The following ABI1 variants were observed in gnomAD, a reference collection of about 807,000 sequenced individuals.
ABI1 encodes the protein abl interactor 1, also known as Abelson interactor 1.
In ABI1, 14 loss-of-function variants were observed where a neutral mutation model predicts 54.6. The observed-to-expected ratio is 0.26, with a 90% CI of 0.17 to 0.40. ABI1 has a LOEUF of 0.40. Among genes scored for constraint, ABI1 ranks in the 10% least tolerant of loss-of-function variants. ABI1 has a pLI of 1.00. For missense variants in ABI1, 443 were observed against 598.3 expected (o/e 0.74, Z 2.71); for synonymous variants, 194 against 209.3 (o/e 0.93, Z 0.63).
At chr10:26,769,300 A>C (rs1260678238) in intron 5 of ABI1, among the ~76,000 whole-genome samples, 1 of 152,174 alleles carries the variant, frequency 6.6e-6, no homozygotes, top group Non-Finnish European at 1.5e-5. Context: ...TTTAAAATGT[A>C]CATTTTTCTC....
At chr10:26,840,258 G>A (rs1428907025) in intron 1 of ABI1, among the ~76,000 whole-genome samples, 1 of 152,086 alleles carries the variant, frequency 6.6e-6, no homozygotes, top group African/African-American at 2.4e-5. Context: ...TTGTTTAAAA[G>A]GGTCTAGCAC....
chr10:26,799,549 G>GA (rs1227982436), intron 2 of ABI1, among the ~76,000 whole-genome samples: 1 of 152,132 alleles, frequency 6.6e-6, no homozygotes, highest in Non-Finnish European at 1.5e-5. Flanking sequence ...AACTGAAGGG[G>GA]AAAAAATCTA....
chr10:26,860,670 C>G lies in ABI1; in HGVS notation c.117+77G>C, dbSNP rs966600031. The G allele has an allele frequency of 8.3e-7, 1 of 1,203,020 alleles. No individual in the cohort carries two copies. The highest frequency in any genetic ancestry group is 1.5e-5 in the African/African-American group (1 of 67,162). 74.5% of individuals were successfully genotyped at this position (1,203,020 alleles called of 1,614,324 possible). On this transcript the variant is annotated intron_variant, in intron 1 of 10. Transcript: ENST00000376140. This position sits in a 1 kb window ranked among gnomAD's most constrained non-coding sequence, Gnocchi z 4.1. ...CAGCCGCTGAGGTCAGGGCAGTTCC[C>G]CACCCCGCCCAGTGGGCTGGTCACT...
chr10:26,791,445 C>A (rs1212279323), intron 2 of ABI1, among the ~76,000 whole-genome samples: 2 of 152,150 alleles, frequency 1.3e-5, no homozygotes, highest in Admixed American at 1.3e-4. Flanking sequence ...CCCATGTTAC[C>A]TTGATGCCAA....
chr10:26,757,922 G>T (rs1838525910), intron 8 of ABI1, among the ~76,000 whole-genome samples: 1 of 151,778 alleles, frequency 6.6e-6, no homozygotes, highest in Non-Finnish European at 1.5e-5. Context: ...ACAAAAATTG[G>T]CTAGGTGTAG....
In ABI1 at chr10:26,768,667, AC is replaced by A. The variant is rs199903953; in HGVS notation, c.719+184del. ...ATAGATGTTTTAAAAAGTTAAAAAA[AC>A]AAAACAAAACAGAAGTTATAACACA... is the stretch of plus-strand genomic sequence containing the variant. On this transcript the variant is annotated intron_variant, in intron 6 of 10. Transcript: ENST00000376140. Among the ~76,000 whole-genome samples the A allele has an allele frequency of 3.3e-5, 5 of 152,354 alleles. No individual in the cohort carries two copies. The East Asian group carries it at 5.8e-4, about 18-fold the overall frequency.
At chr10:26,762,473 G>A (rs1037312701) in intron 7 of ABI1, among the ~76,000 whole-genome samples, 1 of 152,022 alleles carries the variant, frequency 6.6e-6, no homozygotes, top group Non-Finnish European at 1.5e-5. Context: ...CACTGTTCTA[G>A]GACAGCAGTT....
rs1018331908 is a variant in ABI1 at position 26,765,327 on chromosome 10, A to G, written c.720-9T>C. 63 of 1,247,828 alleles carry G rather than the reference A, an allele frequency of 5.0e-5. No individual in the cohort carries two copies. The highest frequency in any genetic ancestry group is 1.4e-4 in the Admixed American group (5 of 36,516). 77.3% of individuals were successfully genotyped at this position (1,247,828 alleles called of 1,614,324 possible). Reference sequence around the variant, plus strand: ...TTCCTCCACTACTTCCACTGAAAAGAAAAAAAAAAACTGTGAAAAACCAAT... The same window carrying G: ...TTCCTCCACTACTTCCACTGAAAAGGAAAAAAAAAACTGTGAAAAACCAAT... On this transcript the variant is annotated splice_polypyrimidine_tract_variant and intron_variant, in intron 6 of 10. Coordinates refer to ENST00000376140, the MANE Select transcript of ABI1 (RefSeq NM_001012750.3).
At chr10:26,837,564 C>T (rs773503009) in intron 1 of ABI1, among the ~76,000 whole-genome samples, 5 of 152,180 alleles carry the variant, frequency 3.3e-5, no homozygotes, top group Admixed American at 2.0e-4. Flanking sequence ...AAATACTTGA[C>T]GGCAATACTG....
intron 2 of ABI1, among the ~76,000 whole-genome samples, chr10:26,812,335 C>T (rs979682141): frequency 3.9e-5 from 6 of 152,118 alleles, no homozygotes; most frequent in African/African-American, 1.4e-4. Flanking sequence ...CTGACTAGTA[C>T]CATTAACATA....
intron 2 of ABI1, among the ~76,000 whole-genome samples, chr10:26,811,442 G>A (rs1472988955): frequency 6.6e-6 from 1 of 152,012 alleles, no homozygotes; most frequent in Non-Finnish European, 1.5e-5. Flanking sequence ...ATAATAAAAG[G>A]TGTCCTCCTT....
At chr10:26,814,097 T>C (rs1398436215) in intron 2 of ABI1, among the ~76,000 whole-genome samples, 1 of 152,148 alleles carries the variant, frequency 6.6e-6, no homozygotes, top group Non-Finnish European at 1.5e-5. Flanking sequence ...TCCTAAAAGA[T>C]GCAGTTACTT....
rs534737793 is a variant in ABI1, at chr10:26,832,691, A to G, written c.118-9386T>C. On this transcript the variant is annotated intron_variant, in intron 1 of 10. Coordinates refer to ENST00000376140, the MANE Select transcript of ABI1 (RefSeq NM_001012750.3). ...ACCTGTTGCAGGAATAATTTTATAC[A>G]CTATGAAGTACACAAAAACTAACAT... Among the ~76,000 whole-genome samples, 4 of 152,338 alleles carry G rather than the reference A, an allele frequency of 2.6e-5. No individual in the cohort carries two copies. The South Asian group carries it at 8.3e-4, about 32-fold the overall frequency.
At position 26,761,047 on chromosome 10, in the gene ABI1, A is replaced by G. The variant is rs1310088003; in HGVS notation, c.821-1809T>C. Among the ~76,000 whole-genome samples the G allele has an allele frequency of 2.6e-5, 4 of 151,858 alleles. No individual in the cohort carries two copies. In the East Asian group the frequency reaches 7.7e-4, roughly 29 times the overall value. ...AGCCTCAACCTCCTGGACTCAAGCA[A>G]TCCTCCTACCAGAGCCTCCTGAGTA... is the stretch of plus-strand genomic sequence containing the variant. On this transcript the variant is annotated intron_variant, in intron 7 of 10. Coordinates refer to ENST00000376140, the MANE Select transcript of ABI1 (RefSeq NM_001012750.3).
In ABI1 at chr10:26,748,482, T is replaced by G; in HGVS notation, c.*88A>C. ...CATGTTCTGAAAATATGGGCACATTTTAAAACATATTAAGACAGTTCTGTT... is the reference window on the plus strand; with the variant it reads ...CATGTTCTGAAAATATGGGCACATTGTAAAACATATTAAGACAGTTCTGTT... On this transcript the variant is annotated 3_prime_UTR_variant, in exon 11 of 11. Transcript: ENST00000376140. 2.0e-6 allele frequency: 2 copies of G among 1,004,582 alleles called. No individual in the cohort carries two copies. The highest frequency in any genetic ancestry group is 2.8e-6 in the Non-Finnish European group (2 of 715,548). The allele number at this position is 1,004,582 out of a possible 1,614,324, so 62.2% of individuals were successfully genotyped here. A position where few individuals can be genotyped will look rare whatever the true frequency, so the allele number is the denominator to read the frequency against.
chr10:26,817,418 C>T (rs2047646320), intron 2 of ABI1, among the ~76,000 whole-genome samples: 2 of 152,118 alleles, frequency 1.3e-5, no homozygotes, highest in African/African-American at 2.4e-5. Context: ...ATTATTTTAG[C>T]AAAGTTCCAA....
chr10:26,803,583 ACAGG>A (rs1264033900), intron 2 of ABI1, among the ~76,000 whole-genome samples: 1 of 152,248 alleles, frequency 6.6e-6, no homozygotes, highest in Non-Finnish European at 1.5e-5. Context: ...TTTTCAGGAA[ACAGG>A]CAGGCAAAAA....
intron 9 of ABI1, among the ~76,000 whole-genome samples, chr10:26,752,085 A>T (rs1270226692): frequency 2.0e-5 from 3 of 152,298 alleles, no homozygotes; most frequent in East Asian, 1.9e-4. Flanking sequence ...CAAGGTTCAG[A>T]TCGGGACAAA....
chr10:26,840,177 G>T (rs10829095), intron 1 of ABI1, among the ~76,000 whole-genome samples: 38,760 of 151,812 alleles, frequency 0.26, 5,606 homozygotes, highest in South Asian at 0.44. Flanking sequence ...TCTGGGTTAT[G>T]GGGGAGGATC....
Sources: gnomAD v4.1 joint callset for allele counts (sites outside exome capture counted in the v4.1 genomes callset) on GRCh38, gnomAD v4.1.1 for gene constraint, Gnocchi (gnomAD v3.1) non-coding constraint, MANE v1.5 for transcripts, NCBI Gene and HGNC (gene_info 2026-07-23, HGNC 2026-07-21) for gene names.